Variants in MPP7 observed in about 807,000 individuals in gnomAD.
MPP7 encodes MAGUK p55 scaffold protein 7.
Under a neutral mutation model 76.5 loss-of-function variants are expected in MPP7, and 60 were observed. That is an observed-to-expected ratio of 0.78 (90% confidence interval 0.64 to 0.97). The LOEUF is 0.97. MPP7 is among the 50% of genes least tolerant of loss of function. MPP7 has a pLI of 0.00. For missense variants in MPP7, 641 were observed against 694.0 expected (o/e 0.92, Z 0.86); for synonymous variants, 237 against 244.5 (o/e 0.97, Z 0.29).
intron 4 of MPP7, among the ~76,000 whole-genome samples, 182 bp downstream of exon 4, chr10:28,149,800 A>G (rs191705984): frequency 6.6e-6 from 1 of 152,362 alleles, no homozygotes; most frequent in Non-Finnish European, 1.5e-5. Context: ...AGAACAGAAA[A>G]GTGAATGGAA....
intron 3 of MPP7, among the ~76,000 whole-genome samples, chr10:28,180,041 A>G (rs1588891000): frequency 6.6e-6 from 1 of 152,354 alleles, no homozygotes; most frequent in African/African-American, 2.4e-5. Context: ...CACTAATTGC[A>G]TATGAAAATA....
chr10:28,201,605 T>C lies in MPP7; in HGVS notation c.156+548A>G, dbSNP rs1032002038. ...CTGCTGGCTGATCATTTTCATGGCA[T>C]GATGCTTTACTAAAACTGTCTCCAA... On this transcript the variant is annotated intron_variant, in intron 3 of 16. Transcript: ENST00000683449. Among the ~76,000 whole-genome samples, 9 of 152,280 alleles carry C rather than the reference T, an allele frequency of 5.9e-5. No homozygotes were observed. In the East Asian group the frequency reaches 1.7e-3, roughly 29 times the overall value.
intron 1 of MPP7, among the ~76,000 whole-genome samples, chr10:28,302,340 A>G (rs995560681): frequency 6.6e-6 from 1 of 152,234 alleles, no homozygotes; most frequent in African/African-American, 2.4e-5. Flanking sequence ...TAAATAGCAA[A>G]TAAGTAAATA....
intron 13 of MPP7, among the ~76,000 whole-genome samples, chr10:28,069,256 G>A (rs141745025): frequency 2.6e-5 from 4 of 152,256 alleles, no homozygotes; most frequent in African/African-American, 9.6e-5. Context: ...AAATGCTTGA[G>A]GGAATGGATA....
At chr10:28,324,611 C>G (rs1281720977) in intron 2 of MPP7, among the ~76,000 whole-genome samples, 2 of 152,164 alleles carry the variant, frequency 1.3e-5, no homozygotes, top group Non-Finnish European at 2.9e-5. Context: ...TATACTGAGA[C>G]AGCTGCCAAA....
At chr10:28,149,696 C>G (rs1835815782) in intron 4 of MPP7, among the ~76,000 whole-genome samples, 1 of 147,206 alleles carries the variant, frequency 6.8e-6, no homozygotes, top group African/African-American at 2.5e-5. Flanking sequence ...ACACCAACAG[C>G]TGACAGCTTC....
chr10:28,120,766 C>A lies in MPP7; in HGVS notation c.616-98G>T, dbSNP rs1834811040. ...TGAAATGCATCTGAAAATTTACAAGCTTGGGGCTTCTACTCTTAGATAGAC... is the reference window on the plus strand; with the variant it reads ...TGAAATGCATCTGAAAATTTACAAGATTGGGGCTTCTACTCTTAGATAGAC... On this transcript the variant is annotated intron_variant, in intron 8 of 16. Coordinates refer to ENST00000683449, the MANE Select transcript of MPP7 (RefSeq NM_001318170.2). 3.5e-6 allele frequency: 3 copies of A among 866,046 alleles called. No homozygotes were observed. The East Asian group carries it at 7.8e-5, about 23-fold the overall frequency. 53.6% of individuals were successfully genotyped at this position (866,046 alleles called of 1,614,324 possible).
chr10:28,284,589 C>T (rs1253432850), intron 1 of MPP7, among the ~76,000 whole-genome samples: 1 of 152,184 alleles, frequency 6.6e-6, no homozygotes, highest in East Asian at 1.9e-4. Context: ...TGACTGCTTC[C>T]ATTTTTTCCG....
intron 1 of MPP7, 46 bp from the exon 2 acceptor site, chr10:28,238,781 C>T (rs906829545): frequency 1.3e-5 from 8 of 609,246 alleles, no homozygotes; most frequent in Non-Finnish European, 2.0e-5. Context: ...GGGACCATCA[C>T]CAAATCACAA....
intron 2 of MPP7, among the ~76,000 whole-genome samples, chr10:28,223,843 T>C (rs1391478947): frequency 1.3e-5 from 2 of 151,036 alleles, no homozygotes; most frequent in Non-Finnish European, 2.9e-5. Flanking sequence ...ACCTAACACA[T>C]GCTCACTCTA....
chr10:28,249,551 A>G (rs1839545535), intron 1 of MPP7, among the ~76,000 whole-genome samples: 1 of 152,180 alleles, frequency 6.6e-6, no homozygotes, highest in Admixed American at 6.5e-5. Context: ...ATCCACTGCA[A>G]TACAGCCTGG....
intron 3 of MPP7, among the ~76,000 whole-genome samples, chr10:28,182,016 G>A (rs561537062): frequency 2.6e-5 from 4 of 152,208 alleles, no homozygotes; most frequent in Admixed American, 6.5e-5. Flanking sequence ...AAGACAGAGA[G>A]AAGACTTTCT....
At chr10:28,119,624 T>G (rs1834765895) in intron 11 of MPP7, 27 bp downstream of exon 11, 2 of 1,594,676 alleles carry the variant, frequency 1.3e-6, no homozygotes, top group African/African-American at 2.7e-5. Context: ...GGGTTTGGTT[T>G]CTCTGCATTC....
chr10:28,147,535 A>G lies in MPP7; in HGVS notation c.263T>C (p.Leu88Ser). The G allele has an allele frequency of 6.2e-7, 1 of 1,614,098 alleles. No individual in the cohort carries two copies. Among genetic ancestry groups the G allele is most frequent in the Non-Finnish European group, 8.5e-7 (1 of 1,179,944 alleles). The change falls in exon 5 of 17, where the codon TTA becomes TCA. Residue 88 changes from leucine (L) to serine (S), a missense_variant. Physicochemically the swap from Leu to Ser is moderately radical, Grantham distance 145. Transcript: ENST00000683449. The stretch of plus-strand genomic sequence containing the variant: ...CAACAGCTCTCTGATCTCACTGTTT[A>G]ATGGCTTGTTCTGAAGCTCTTCGGC... The part of the protein sequence containing the change: ...DLAEELQNKP[L>S]NSEIRELLKL...
intron 1 of MPP7, among the ~76,000 whole-genome samples, chr10:28,246,982 C>G (rs1186079425): frequency 6.6e-6 from 1 of 152,156 alleles, no homozygotes; most frequent in East Asian, 1.9e-4. Flanking sequence ...TATACAGCAG[C>G]AGCAAGAAAT....
chr10:28,311,597 A>C (rs1295403801), intron 2 of MPP7, among the ~76,000 whole-genome samples: 2 of 152,218 alleles, frequency 1.3e-5, no homozygotes, highest in Non-Finnish European at 2.9e-5. Context: ...TGAAATATAC[A>C]TATAGCTGAG....
chr10:28,148,953 A>T lies in MPP7; in HGVS notation c.234+1029T>A, dbSNP rs183567546. On this transcript the variant is annotated intron_variant, in intron 4 of 16. Transcript: ENST00000683449. ...AACTTTATTTGCCTTCATTTAAAAAATTTTGCTTCAATAATGCAGAAGTAA... is the reference window on the plus strand; with the variant it reads ...AACTTTATTTGCCTTCATTTAAAAATTTTTGCTTCAATAATGCAGAAGTAA... Among the ~76,000 whole-genome samples, 416 of 152,304 alleles carry T rather than the reference A, an allele frequency of 2.7e-3. 3 individuals carry two copies. Among genetic ancestry groups the T allele is most frequent in the African/African-American group, 9.7e-3 (402 of 41,562 alleles).
At chr10:28,248,002 G>C (rs747075670) in intron 1 of MPP7, among the ~76,000 whole-genome samples, 9 of 152,054 alleles carry the variant, frequency 5.9e-5, no homozygotes, top group Non-Finnish European at 1.3e-4. Flanking sequence ...CATTTCTACA[G>C]TGAAACAAAT....
rs761501342 is a variant in MPP7 at position 28,054,109 on chromosome 10, C to G, written c.1687G>C (p.Glu563Gln). The change falls in exon 17 of 17, where the codon GAG becomes CAG. Residue 563 changes from glutamate to glutamine, a missense_variant. By Grantham distance (29) the Glu-to-Gln change is conservative. Coordinates refer to ENST00000683449, the MANE Select transcript of MPP7 (RefSeq NM_001318170.2). ...NELKTTFDKL[E>Q]TETHWVPVSW... ...ACTGGCACCCAATGGGTCTCTGTCT[C>G]TAATTTGTCAAAAGTTGTTTTGAGC... The G allele has an allele frequency of 3.1e-6, 5 of 1,613,860 alleles. No individual in the cohort carries two copies. The Admixed American group carries it at 6.7e-5, about 22-fold the overall frequency.
Sources: gnomAD v4.1 joint callset for allele counts (sites outside exome capture counted in the v4.1 genomes callset) on GRCh38, gnomAD v4.1.1 for gene constraint, MANE v1.5 for transcripts, NCBI Gene and HGNC (gene_info 2026-07-23, HGNC 2026-07-21) for gene names.